The following MAMLD1 variants were observed in gnomAD, a reference collection of about 807,000 sequenced individuals.
The protein encoded by MAMLD1 is mastermind like domain containing 1, also known as mastermind-like domain-containing protein 1.
In MAMLD1, 14 loss-of-function variants were observed where a neutral mutation model predicts 45.0. The observed-to-expected ratio is 0.31, with a 90% CI of 0.21 to 0.49. The LOEUF is 0.49. Ranked by LOEUF, MAMLD1 falls within the 20% of genes least tolerant of loss-of-function variation. The pLI is 0.99. For missense variants in MAMLD1, 543 were observed against 603.6 expected, an observed-to-expected ratio of 0.90 and a Z score of 1.05; for synonymous variants, 254 against 247.8, an observed-to-expected ratio of 1.02 and a Z score of -0.24.
At chrX:150,495,308 G>C (rs2037344154) in intron 5 of MAMLD1, among the ~76,000 whole-genome samples, 1 of 108,829 alleles carries the variant, frequency 9.2e-6, no homozygotes, top group African/African-American at 3.3e-5. Context: ...GCCATTAGTA[G>C]ATGAAGGCTT....
At chrX:150,511,540 G>A (rs1247157436) in intron 7 of MAMLD1, among the ~76,000 whole-genome samples, 9 of 111,867 alleles carry the variant, frequency 8.0e-5, no homozygotes, top group African/African-American at 1.3e-4. Context: ...CACATCCATC[G>A]GGTAGAGAAT....
chrX:150,454,989 TTCTC>T lies in MAMLD1; in HGVS notation c.97-7777_97-7774del, dbSNP rs782116150. Among the ~76,000 whole-genome samples the T allele has an allele frequency of 1.2e-4, 13 of 111,818 alleles. 1 individual carries two copies. Among genetic ancestry groups the T allele is most frequent in the Non-Finnish European group, 2.3e-4 (12 of 53,173 alleles). On this transcript the variant is annotated intron_variant, in intron 2 of 7. Transcript: ENST00000370401. ...CCCTCTACCACCACCACCCTACCACTTCTCTCTCTATCTCTCTCTCATGTACACG... is the reference window on the plus strand; with the variant it reads ...CCCTCTACCACCACCACCCTACCACTTCTCTATCTCTCTCTCATGTACACG...
chrX:150,378,560 A>G (rs782753830), intron 1 of MAMLD1, among the ~76,000 whole-genome samples: 2 of 111,905 alleles, frequency 1.8e-5, no homozygotes, highest in African/African-American at 6.5e-5. Context: ...CTGGGGCAAG[A>G]TGGTCAGTGC....
At chrX:150,375,170 G>A (rs1303074770) in intron 1 of MAMLD1, among the ~76,000 whole-genome samples, 5 of 111,625 alleles carry the variant, frequency 4.5e-5, no homozygotes, top group Non-Finnish European at 9.4e-5. Context: ...ATCAAAGATG[G>A]GGAAACTGAG....
intron 1 of MAMLD1, among the ~76,000 whole-genome samples, chrX:150,416,125 G>C (rs1247317021): frequency 2.7e-5 from 3 of 111,580 alleles, no homozygotes; most frequent in African/African-American, 6.5e-5. Flanking sequence ...CTTTGTCCAG[G>C]GGCATGTTTT....
rs188069986 is a variant in MAMLD1 at position 150,473,632 on chromosome X, G to A, written c.1918-48G>A. On this transcript the variant is annotated intron_variant, in intron 4 of 7. Coordinates refer to ENST00000370401, the MANE Select transcript of MAMLD1 (RefSeq NM_005491.5). ...GGACACGGCAGGCCACCTGGGGCTC[G>A]GGCCCTGGTCTGCAGTTCAGGAGCA... The A allele has an allele frequency of 8.7e-5, 104 of 1,197,288 alleles. No homozygotes were observed. The African/African-American group carries it at 1.5e-3, about 18-fold the overall frequency.
chrX:150,386,748 C>T (rs1250001285), intron 1 of MAMLD1, among the ~76,000 whole-genome samples: 1 of 110,917 alleles, frequency 9.0e-6, no homozygotes, highest in Non-Finnish European at 1.9e-5. Context: ...TTAGACTATC[C>T]CTTCCTGCCT....
intron 2 of MAMLD1, among the ~76,000 whole-genome samples, chrX:150,453,791 A>G (rs2035748945): frequency 9.0e-6 from 1 of 111,487 alleles, no homozygotes; most frequent in African/African-American, 3.3e-5. Context: ...CAAAAGCCCC[A>G]CCCCAGGGCC....
At chrX:150,493,284 G>C (rs192638562) in intron 5 of MAMLD1, among the ~76,000 whole-genome samples, 1 of 111,361 alleles carries the variant, frequency 9.0e-6, no homozygotes, top group South Asian at 3.8e-4. Flanking sequence ...CCTGGAGCAC[G>C]TCCAGAAGGA....
At chrX:150,501,818 G>T (rs1557408540) in intron 5 of MAMLD1, among the ~76,000 whole-genome samples, 2 of 112,158 alleles carry the variant, frequency 1.8e-5, no homozygotes. Flanking sequence ...TTCAAAACTT[G>T]CTTATCATAT....
rs782287692 is a variant in MAMLD1 at position 150,384,266 on chromosome X, C to T, written c.-64+20736C>T. Among the ~76,000 whole-genome samples the T allele has an allele frequency of 1.7e-4, 19 of 112,136 alleles. No individual in the cohort carries two copies. In the South Asian group the frequency reaches 5.9e-3, roughly 35 times the overall value. On this transcript the variant is annotated intron_variant, in intron 1 of 7. Transcript: ENST00000370401. ...GAGTTCCAGTTTCTCCACATCCTTG[C>T]CAACACTTGTAAATTTCTGTCTTTT...
At chrX:150,377,427 CA>C (rs2032374844) in intron 1 of MAMLD1, among the ~76,000 whole-genome samples, 1 of 112,855 alleles carries the variant, frequency 8.9e-6, no homozygotes, top group African/African-American at 3.2e-5. Flanking sequence ...TTTCTAGAAG[CA>C]ATATTTAGTG....
intron 1 of MAMLD1, among the ~76,000 whole-genome samples, chrX:150,367,683 A>G (rs782527684): frequency 2.1e-3 from 239 of 111,383 alleles, no homozygotes; most frequent in African/African-American, 7.4e-3. Flanking sequence ...AACATTAGGT[A>G]TATCTCCTAA....
chrX:150,462,938 C>A, intron 3 of MAMLD1, 92 bp downstream of exon 3: 2 of 656,596 alleles, frequency 3.0e-6, no homozygotes, highest in Non-Finnish European at 5.0e-6. Flanking sequence ...AGAGGTCACA[C>A]CACAAGGTCC....
rs781881493 is a variant in MAMLD1, at chrX:150,377,981, A to G, written c.-64+14451A>G. 3.6e-5 allele frequency among the ~76,000 whole-genome samples: 4 copies of G among 112,117 alleles called. No homozygotes were observed. The South Asian group carries it at 1.5e-3, about 41-fold the overall frequency. ...CCTGCATAAGCACATATTGATCAAA[A>G]TCAGGAAGCTAATAGTGGTACTAAT... On this transcript the variant is annotated intron_variant, in intron 1 of 7. Coordinates refer to ENST00000370401, the MANE Select transcript of MAMLD1 (RefSeq NM_005491.5).
intron 1 of MAMLD1, among the ~76,000 whole-genome samples, chrX:150,366,968 A>T (rs2124442044): frequency 9.3e-6 from 1 of 107,419 alleles, no homozygotes; most frequent in East Asian, 3.0e-4. Flanking sequence ...CTTTAAAAAT[A>T]TCACAAAGAG....
At position 150,473,733 on chromosome X, in the gene MAMLD1, G is replaced by T. The variant is rs1281651489; in HGVS notation, c.1971G>T (p.Gln657His). 2.5e-6 allele frequency: 3 copies of T among 1,205,854 alleles called. No homozygotes were observed. In the African/African-American group the frequency reaches 5.2e-5, roughly 21 times the overall value. The change falls in exon 5 of 8, where the codon CAG (glutamine) becomes CAT (histidine). Residue 657 changes from glutamine to histidine, a missense_variant. Coordinates refer to ENST00000370401, the MANE Select transcript of MAMLD1 (RefSeq NM_005491.5). ...WTSAASSVKPQHQHGNSFTSR... is the reference protein window; with the variant it reads ...WTSAASSVKPHHQHGNSFTSR... ...CTGCAGCTAGCTCGGTGAAGCCCCA[G>T]CATCAACACGGGAACTCTTTCACTA... is the stretch of plus-strand genomic sequence containing the variant.
At position 150,470,367 on chromosome X, in the gene MAMLD1, C is replaced by A; in HGVS notation, c.794C>A (p.Pro265His). ...SSSTGISYSI[P>H]STSKQIVSPS... The stretch of plus-strand genomic sequence containing the variant: ...TCCACAGGGATCAGCTATTCGATTC[C>A]TTCCACCAGTAAGCAGATAGTGTCA... The change falls in exon 4 of 8, where the codon CCT becomes CAT. Residue 265 changes from proline (P) to histidine (H), a missense_variant. Transcript: ENST00000370401. The A allele has an allele frequency of 8.3e-7, 1 of 1,210,537 alleles. No individual in the cohort carries two copies. Among genetic ancestry groups the A allele is most frequent in the Non-Finnish European group, 1.1e-6 (1 of 894,458 alleles).
intron 3 of MAMLD1, among the ~76,000 whole-genome samples, chrX:150,463,879 G>C (rs1179989133): frequency 9.0e-6 from 1 of 111,324 alleles, no homozygotes; most frequent in Non-Finnish European, 1.9e-5. Flanking sequence ...TCAGGACTAA[G>C]CTGCTTGCCT....
Sources: allele counts gnomAD v4.1 joint callset (sites outside exome capture counted in the v4.1 genomes callset), GRCh38; gene constraint gnomAD v4.1.1; transcripts MANE v1.5; gene names NCBI Gene and HGNC (gene_info 2026-07-23, HGNC 2026-07-21).